The following HCN1 variants were observed in gnomAD, a reference collection of about 807,000 sequenced individuals.
The protein encoded by HCN1 is potassium/sodium hyperpolarization-activated cyclic nucleotide-gated channel 1.
HCN1 carries 13 observed loss-of-function variants against 78.9 expected under a neutral mutation model. That is an observed-to-expected ratio of 0.16 (90% confidence interval 0.11 to 0.26). The LOEUF is 0.26. HCN1 is among the 10% of genes least tolerant of loss of function. HCN1 has a pLI of 1.00. For synonymous variants in HCN1, 552 were observed against 455.5 expected (o/e 1.21, Z -2.70); for missense variants, 810 against 1,154.3 (o/e 0.70, Z 4.32).
intron 2 of HCN1, among the ~76,000 whole-genome samples, chr5:45,539,622 G>A (rs547817850): frequency 6.6e-6 from 1 of 150,552 alleles, no homozygotes; most frequent in East Asian, 2.0e-4. Flanking sequence ...CTGAGATCGT[G>A]CCACTGCACT....
chr5:45,341,627 C>A lies in HCN1; in HGVS notation c.1377+11473G>T, dbSNP rs190380861. Among the ~76,000 whole-genome samples, 5 of 152,248 alleles carry A rather than the reference C, an allele frequency of 3.3e-5. No individual in the cohort carries two copies. The East Asian group carries it at 9.7e-4, about 29-fold the overall frequency. ...AGACTGGTTAAGCGCAAAGGTGGCT[C>A]ATGCCTGTAGTCTCTGTTACTCAGG... On this transcript the variant is annotated intron_variant, in intron 5 of 7. Coordinates refer to ENST00000303230, the MANE Select transcript of HCN1 (RefSeq NM_021072.4).
At position 45,346,586 on chromosome 5, in the gene HCN1, G is replaced by A. The variant is rs533276814; in HGVS notation, c.1377+6514C>T. ...CACTACCTCACTCAGGAAGCGCAAG[G>A]GGTCAGGGAGTTCCCTTTCCTAGTC... On this transcript the variant is annotated intron_variant, in intron 5 of 7. Coordinates refer to ENST00000303230, the MANE Select transcript of HCN1 (RefSeq NM_021072.4). Among the ~76,000 whole-genome samples, 46 of 152,314 alleles carry A rather than the reference G, an allele frequency of 3.0e-4. 1 individual carries two copies. The South Asian group carries it at 4.6e-3, about 15-fold the overall frequency.
At chr5:45,316,287 A>C (rs184631821) in intron 5 of HCN1, among the ~76,000 whole-genome samples, 1 of 152,236 alleles carries the variant, frequency 6.6e-6, no homozygotes, top group Non-Finnish European at 1.5e-5. Flanking sequence ...GTAATCCAGA[A>C]TATAAACAGA....
In HCN1 at chr5:45,553,616, T is replaced by A. The variant is rs930430525; in HGVS notation, c.849+91569A>T. Reference sequence around the variant, plus strand: ...ACAGATGCTCATCACTGACATAAAATGGCATAGTATTTGCATATAACCTAT... The same window carrying A: ...ACAGATGCTCATCACTGACATAAAAAGGCATAGTATTTGCATATAACCTAT... On this transcript the variant is annotated intron_variant, in intron 2 of 7. Transcript: ENST00000303230. 2.6e-5 allele frequency among the ~76,000 whole-genome samples: 4 copies of A among 151,996 alleles called. No homozygotes were observed. The South Asian group carries it at 8.3e-4, about 32-fold the overall frequency.
At position 45,259,091 on chromosome 5, in the gene HCN1, C is replaced by T. The variant is rs1000409825; in HGVS notation, c.*2830G>A. The T allele has an allele frequency of 4.6e-5, 7 of 151,786 alleles. No homozygotes were observed. The highest frequency in any genetic ancestry group is 7.4e-5 in the Non-Finnish European group (5 of 67,878). 9.4% of individuals were successfully genotyped at this position (151,786 alleles called of 1,614,324 possible). On this transcript the variant is annotated 3_prime_UTR_variant, in exon 8 of 8. Transcript: ENST00000303230. ...GAAAAATCCATGTTCTATTTAAAGT[C>T]CTCTCATTCCAGAATTATAGAATAT...
intron 3 of HCN1, among the ~76,000 whole-genome samples, chr5:45,452,039 C>T (rs940826175): frequency 4.6e-5 from 7 of 151,990 alleles, no homozygotes; most frequent in East Asian, 1.9e-4. Context: ...CTCAAGAAAA[C>T]GCTACTGGAG....
intron 2 of HCN1, among the ~76,000 whole-genome samples, chr5:45,495,702 GT>G (rs1742010546): frequency 6.6e-6 from 1 of 152,094 alleles, no homozygotes; most frequent in East Asian, 1.9e-4. Flanking sequence ...AATGCTTCCA[GT>G]TTTTGCCCAT....
intron 2 of HCN1, among the ~76,000 whole-genome samples, chr5:45,524,059 A>C (rs1015777229): frequency 4.8e-4 from 73 of 152,294 alleles, no homozygotes; most frequent in Non-Finnish European, 2.2e-4. Flanking sequence ...GAAGGGATCC[A>C]GTTTCAGCTT....
At chr5:45,674,362 A>T (rs1458776800) in intron 1 of HCN1, among the ~76,000 whole-genome samples, 1 of 151,612 alleles carries the variant, frequency 6.6e-6, no homozygotes, top group Non-Finnish European at 1.5e-5. Flanking sequence ...ATAAAAGGAT[A>T]ATGAATAAAA....
At chr5:45,386,579 C>T (rs1747913632) in intron 4 of HCN1, among the ~76,000 whole-genome samples, 1 of 152,034 alleles carries the variant, frequency 6.6e-6, no homozygotes, top group Admixed American at 6.6e-5. Context: ...AAAGGTGGAG[C>T]TTAGTTCAGG....
intron 2 of HCN1, among the ~76,000 whole-genome samples, chr5:45,516,087 C>T (rs1742512062): frequency 6.6e-6 from 1 of 151,926 alleles, no homozygotes. Flanking sequence ...CATCATATAT[C>T]TCAACCAGTG....
At chr5:45,373,509 C>A (rs910281443) in intron 4 of HCN1, among the ~76,000 whole-genome samples, 1 of 139,444 alleles carries the variant, frequency 7.2e-6, no homozygotes, top group African/African-American at 2.6e-5. Flanking sequence ...TTATATACAT[C>A]ATCTATAATA....
At chr5:45,513,395 C>T (rs1337850294) in intron 2 of HCN1, among the ~76,000 whole-genome samples, 1 of 152,060 alleles carries the variant, frequency 6.6e-6, no homozygotes, top group Non-Finnish European at 1.5e-5. Flanking sequence ...AACACATTTT[C>T]CTCATGATAA....
intron 4 of HCN1, among the ~76,000 whole-genome samples, chr5:45,391,582 A>G (rs1486594479): frequency 6.6e-6 from 1 of 152,164 alleles, no homozygotes; most frequent in Non-Finnish European, 1.5e-5. Flanking sequence ...CATGACAATA[A>G]TGACAAACTC....
At position 45,437,930 on chromosome 5, in the gene HCN1, T is replaced by A. The variant is rs914707134; in HGVS notation, c.1011+23916A>T. 1.4e-4 allele frequency among the ~76,000 whole-genome samples: 22 copies of A among 152,154 alleles called. 1 individual carries two copies. In the East Asian group the frequency reaches 4.2e-3, roughly 29 times the overall value. On this transcript the variant is annotated intron_variant, in intron 3 of 7. Coordinates refer to ENST00000303230, the MANE Select transcript of HCN1 (RefSeq NM_021072.4). ...AGGGCTGGAGGATCCACTTTCAGCTTTTCATGTGTGTATTGGCAGGAGGCT... is the reference window on the plus strand; with the variant it reads ...AGGGCTGGAGGATCCACTTTCAGCTATTCATGTGTGTATTGGCAGGAGGCT...
intron 5 of HCN1, among the ~76,000 whole-genome samples, chr5:45,334,143 T>C (rs1057092388): frequency 3.3e-5 from 5 of 151,932 alleles, no homozygotes; most frequent in Non-Finnish European, 5.9e-5. Context: ...AACAAGCTTA[T>C]ATTTTAGTTG....
intron 4 of HCN1, among the ~76,000 whole-genome samples, chr5:45,393,002 A>T (rs1457566643): frequency 6.6e-6 from 1 of 152,134 alleles, no homozygotes; most frequent in East Asian, 1.9e-4. Flanking sequence ...ATTAGAAAGC[A>T]CAGTCCATTT....
chr5:45,492,423 A>ATATATATATATATATATAT (rs1561174289), intron 2 of HCN1, among the ~76,000 whole-genome samples: 4 of 141,536 alleles, frequency 2.8e-5, no homozygotes, highest in South Asian at 2.2e-4. Flanking sequence ...ATATATATAT[A>ATATATATATATATATATAT]AAATTTGAAG....
chr5:45,458,662 T>C (rs112751176), intron 3 of HCN1, among the ~76,000 whole-genome samples: 1 of 152,130 alleles, frequency 6.6e-6, no homozygotes, highest in Non-Finnish European at 1.5e-5. Context: ...CCGTCCAACA[T>C]GGTTTAGAGC....
Sources: allele counts gnomAD v4.1 joint callset (sites outside exome capture counted in the v4.1 genomes callset), GRCh38; gene constraint gnomAD v4.1.1; transcripts MANE v1.5; gene names NCBI Gene and HGNC (gene_info 2026-07-23, HGNC 2026-07-21).